Variants in TMEM131L observed in about 807,000 individuals in gnomAD.
TMEM131L encodes transmembrane protein 131-like.
Under a neutral mutation model 192.2 loss-of-function variants are expected in TMEM131L, and 54 were observed. The ratio of observed to expected loss-of-function variants is 0.28; its 90% CI spans 0.23 to 0.35. TMEM131L has a LOEUF of 0.35. TMEM131L is among the 10% of genes least tolerant of loss of function. The pLI is 1.00. For missense variants in TMEM131L, 1,888 were observed against 1,972.9 expected (o/e 0.96, Z 0.82); for synonymous variants, 701 against 704.9 (o/e 0.99, Z 0.09).
chr4:153,578,714 G>C lies in TMEM131L; in HGVS notation c.661-2112G>C, dbSNP rs570521741. Among the ~76,000 whole-genome samples the C allele has an allele frequency of 8.4e-4, 128 of 152,122 alleles. No homozygotes were observed. In the South Asian group the frequency reaches 0.01, roughly 12 times the overall value. On this transcript the variant is annotated intron_variant, in intron 7 of 34. Transcript: ENST00000409959. Reference sequence around the variant, plus strand: ...TTTTTGTATTTTTAGTAGAGACGGGGTTTCACCATGTTATCCAGGATGGTC... The same window carrying C: ...TTTTTGTATTTTTAGTAGAGACGGGCTTTCACCATGTTATCCAGGATGGTC...
chr4:153,481,332 C>G (rs1731924351), intron 3 of TMEM131L, among the ~76,000 whole-genome samples: 1 of 152,162 alleles, frequency 6.6e-6, no homozygotes, highest in South Asian at 2.1e-4. Context: ...TACCTGACAC[C>G]TGGGTGAAGA....
In TMEM131L at chr4:153,620,747, C is replaced by T. The variant is rs749584496; in HGVS notation, c.3568-9C>T. 6.7e-7 allele frequency: 1 copy of T among 1,490,902 alleles called. No homozygotes were observed. Among genetic ancestry groups the T allele is most frequent in the South Asian group, 1.2e-5 (1 of 81,914 alleles). 92.4% of individuals were successfully genotyped at this position (1,490,902 alleles called of 1,614,324 possible). A position where few individuals can be genotyped will look rare whatever the true frequency, so the allele number is the denominator to read the frequency against. ...TTAAACCATTAAACATTTACTTTCT[C>T]TTCTTTAGCAAGAAGATCCTTATAG... On this transcript the variant is annotated splice_polypyrimidine_tract_variant and intron_variant, in intron 26 of 34. Transcript: ENST00000409959.
chr4:153,497,178 A>G (rs1733234332), intron 3 of TMEM131L, among the ~76,000 whole-genome samples: 1 of 152,116 alleles, frequency 6.6e-6, no homozygotes, highest in Non-Finnish European at 1.5e-5. Context: ...TTCGAAGGGA[A>G]TGTTTTTGAG....
intron 7 of TMEM131L, among the ~76,000 whole-genome samples, chr4:153,575,044 G>C (rs1464985373): frequency 6.6e-6 from 1 of 152,118 alleles, no homozygotes; most frequent in Admixed American, 6.5e-5. Flanking sequence ...GTTTCATGTG[G>C]TTATTACCAG....
At chr4:153,577,336 G>A (rs1730020834) in intron 7 of TMEM131L, among the ~76,000 whole-genome samples, 1 of 152,184 alleles carries the variant, frequency 6.6e-6, no homozygotes, top group African/African-American at 2.4e-5. Flanking sequence ...TTTGTATATG[G>A]GTAAATTCAC....
Position 153,623,063 on chromosome 4 carries a change from C to G in TMEM131L, c.4025C>G (p.Ala1342Gly), listed in dbSNP as rs777466902. The G allele has an allele frequency of 1.2e-6, 2 of 1,608,062 alleles. No homozygotes were observed. Among genetic ancestry groups the G allele is most frequent in the Non-Finnish European group, 1.7e-6 (2 of 1,177,326 alleles). Residue 1342 changes from alanine to glycine, a missense_variant, in exon 29 of 35, where the codon GCC (alanine) becomes GGC (glycine). Physicochemically the swap from Ala to Gly is moderately conservative, Grantham distance 60 (BLOSUM62 0). Transcript: ENST00000409959. Reference sequence around the variant, plus strand: ...GGGGATAAGAAGCCCATGGTGGACGCCCAGCACTTCCTGCCGGCCGGTGAG... The same window carrying G: ...GGGGATAAGAAGCCCATGGTGGACGGCCAGCACTTCCTGCCGGCCGGTGAG... The part of the protein sequence containing the change: ...SDGDKKPMVD[A>G]QHFLPAGDSV...
intron 28 of TMEM131L, 32 bp from the exon 29 acceptor site, chr4:153,622,866 C>T (rs1733536700): frequency 6.2e-7 from 1 of 1,609,074 alleles, no homozygotes. Flanking sequence ...ACAGTTGTTT[C>T]AGGGAAACAT....
Position 153,604,399 on chromosome 4 carries a change from A to G in TMEM131L, c.3387A>G (p.Pro1129=), listed in dbSNP as rs992189303. Residue 1129 remains proline, a synonymous_variant, in exon 25 of 35, where the codon CCA becomes CCG. Transcript: ENST00000409959. ...GAAACTCACCTCAGTACCACCAGCCAGACTTGCCAGAAATTTCCAGGAAAA... is the reference window on the plus strand; with the variant it reads ...GAAACTCACCTCAGTACCACCAGCCGGACTTGCCAGAAATTTCCAGGAAAA... ...LPRNSPQYHQ[P]DLPEISRKNN... 12 of 1,599,876 alleles carry G rather than the reference A, an allele frequency of 7.5e-6. No homozygotes were observed. The highest frequency in any genetic ancestry group is 1.0e-5 in the Non-Finnish European group (12 of 1,175,560).
chr4:153,479,559 A>G (rs958613192), intron 3 of TMEM131L, among the ~76,000 whole-genome samples: 49 of 152,324 alleles, frequency 3.2e-4, no homozygotes, highest in African/African-American at 9.6e-4. Flanking sequence ...AGCATTGACA[A>G]TGTATGAGTA....
At chr4:153,473,531 C>A (rs549904225) in intron 2 of TMEM131L, among the ~76,000 whole-genome samples, 2 of 152,132 alleles carry the variant, frequency 1.3e-5, no homozygotes, top group South Asian at 4.1e-4. Flanking sequence ...CAGTGGCTCA[C>A]GCCTGTAATC....
chr4:153,496,258 T>A (rs769925573), intron 3 of TMEM131L, among the ~76,000 whole-genome samples: 11 of 152,198 alleles, frequency 7.2e-5, no homozygotes, highest in African/African-American at 7.2e-5. Context: ...ATCAAAACAT[T>A]TTAAATCCAT....
At chr4:153,619,959 G>A (rs549012160) in intron 26 of TMEM131L, among the ~76,000 whole-genome samples, 1 of 152,262 alleles carries the variant, frequency 6.6e-6, no homozygotes, top group African/African-American at 2.4e-5. Flanking sequence ...AAGCCCTTGG[G>A]TCTCAGTGTG....
At chr4:153,504,266 C>T (rs1025269129) in intron 3 of TMEM131L, among the ~76,000 whole-genome samples, 153 of 42,622 alleles carry the variant, frequency 3.6e-3, no homozygotes, top group Middle Eastern at 0.019. Flanking sequence ...CGCGGTCGGC[C>T]TTTTTTTTTT....
chr4:153,612,770 A>C (rs1458565940), intron 26 of TMEM131L, among the ~76,000 whole-genome samples: 1 of 152,082 alleles, frequency 6.6e-6, no homozygotes, highest in Non-Finnish European at 1.5e-5. Context: ...CTTTGTCCTC[A>C]TATCTATTAT....
In TMEM131L at chr4:153,610,406, T is replaced by A. The variant is rs1732530504; in HGVS notation, c.3419-1846T>A. 2.0e-5 allele frequency among the ~76,000 whole-genome samples: 3 copies of A among 152,340 alleles called. No homozygotes were observed. In the South Asian group the frequency reaches 6.2e-4, roughly 32 times the overall value. ...GCCATGATGCTTTATTTTATTTATG[T>A]AATGAGTCTGGCCAAAGGATTATTT... On this transcript the variant is annotated intron_variant, in intron 25 of 34. Coordinates refer to ENST00000409959, the MANE Select transcript of TMEM131L (RefSeq NM_001131007.2).
chr4:153,495,594 A>G (rs1733119793), intron 3 of TMEM131L, among the ~76,000 whole-genome samples: 1 of 152,208 alleles, frequency 6.6e-6, no homozygotes, highest in Non-Finnish European at 1.5e-5. Context: ...GCATTTTTAC[A>G]TAAACAATAG....
intron 3 of TMEM131L, among the ~76,000 whole-genome samples, chr4:153,545,803 A>C (rs1737131179): frequency 6.6e-6 from 1 of 152,174 alleles, no homozygotes; most frequent in Non-Finnish European, 1.5e-5. Flanking sequence ...AAGGACTAAG[A>C]GTGTGTGGAA....
chr4:153,512,896 G>T (rs1046269320), intron 3 of TMEM131L, among the ~76,000 whole-genome samples: 2 of 152,190 alleles, frequency 1.3e-5, no homozygotes, highest in African/African-American at 4.8e-5. Context: ...ACAGGCATGA[G>T]CCACCGTGCC....
intron 3 of TMEM131L, among the ~76,000 whole-genome samples, chr4:153,523,442 A>C (rs1054338461): frequency 1.3e-5 from 2 of 152,234 alleles, no homozygotes; most frequent in Non-Finnish European, 2.9e-5. Flanking sequence ...ATAATAAGCC[A>C]AAACTTAAAA....
Sources: allele counts gnomAD v4.1 joint callset (sites outside exome capture counted in the v4.1 genomes callset), GRCh38; gene constraint gnomAD v4.1.1; transcripts MANE v1.5; gene names NCBI Gene and HGNC (gene_info 2026-07-23, HGNC 2026-07-21).